Variants in HLA-F observed in about 807,000 individuals in gnomAD.
The protein encoded by HLA-F is HLA class I histocompatibility antigen, alpha chain F.
HLA-F carries 46 observed loss-of-function variants against 49.5 expected under a neutral mutation model. That is an observed-to-expected ratio of 0.93 (90% CI 0.73 to 1.19). The LOEUF is 1.19. HLA-F is among the 50% of genes most tolerant of loss of function. HLA-F has a pLI of 0.00. For synonymous variants in HLA-F, 203 were observed against 233.5 expected, an observed-to-expected ratio of 0.87 and a Z score of 1.19; for missense variants, 496 against 579.6, an observed-to-expected ratio of 0.86 and a Z score of 1.48.
intron 6 of HLA-F, chr6:29,726,556 T>C: frequency 7.0e-7 from 1 of 1,424,774 alleles, no homozygotes; most frequent in Non-Finnish European, 9.2e-7. Flanking sequence ...AGCATGCACG[T>C]AAATGTGTGT....
intron 5 of HLA-F, 108 bp downstream of exon 5, chr6:29,725,671 C>T (rs17875383): frequency 0.02 from 18,693 of 939,998 alleles, 399 homozygotes; most frequent in Middle Eastern, 0.074. Flanking sequence ...CATCCACACT[C>T]ATGGGTCTAC....
rs1776072815 is a variant in HLA-F at position 29,726,322 on chromosome 6, C to A, written c.1036+279C>A. On this transcript the variant is annotated intron_variant, in intron 6 of 6. Transcript: ENST00000259951. ...TATTGGGTTTCTTTGACTTGGATGT[C>A]TTGAGCATGAAATGGGCTATTTAGA... The A allele has an allele frequency of 2.8e-6, 4 of 1,454,430 alleles. No homozygotes were observed. In the East Asian group the frequency reaches 9.1e-5, roughly 33 times the overall value. 90.1% of individuals were successfully genotyped at this position (1,454,430 alleles called of 1,614,324 possible).
At chr6:29,726,792 A>G in intron 6 of HLA-F, 91 bp from the exon 7 acceptor site, 1 of 1,446,664 alleles carries the variant, frequency 6.9e-7, no homozygotes, top group Non-Finnish European at 9.6e-7. Context: ...CAATGTCACA[A>G]ACTTCTTCAC....
chr6:29,726,554 C>T (rs1378316864), intron 6 of HLA-F: 11 of 1,460,430 alleles, frequency 7.5e-6, no homozygotes, highest in South Asian at 2.6e-5. Flanking sequence ...ATAGCATGCA[C>T]GTAAATGTGT....
At chr6:29,733,360 A>T (rs373015217) in intron 3 of HLA-F, among the ~76,000 whole-genome samples, 3 of 151,710 alleles carry the variant, frequency 2.0e-5, no homozygotes, top group Non-Finnish European at 4.4e-5. Flanking sequence ...TGTGTATTTT[A>T]TTTTTTTTAA....
At chr6:29,724,096 T>G (rs2127584857) in intron 2 of HLA-F, 77 bp from the exon 3 acceptor site, 1 of 1,580,072 alleles carries the variant, frequency 6.3e-7, no homozygotes, top group Admixed American at 1.8e-5. Context: ...CATTTTCAGT[T>G]TAGGCCAAAA....
At chr6:29,726,273 G>A (rs1437275089) in intron 6 of HLA-F, 3 of 1,051,672 alleles carry the variant, frequency 2.9e-6, no homozygotes, top group African/African-American at 3.1e-5. Context: ...GTGTTGGGGG[G>A]GAACAGAGGG....
At position 29,723,586 on chromosome 6, in the gene HLA-F, G is replaced by T. The variant is rs561672947; in HGVS notation, c.64+59G>T. 4.4e-5 allele frequency: 71 copies of T among 1,597,504 alleles called. No individual in the cohort carries two copies. The South Asian group carries it at 7.1e-4, about 16-fold the overall frequency. On this transcript the variant is annotated intron_variant, in intron 1 of 6. Coordinates refer to ENST00000259951, the MANE Select transcript of HLA-F (RefSeq NM_001098479.2). ...TGGGGAGGAGTGAGGGGCCCGCCCG[G>T]TGGGGGCGCAGGACTCAGGGAGCCG...
downstream of HLA-F, among the ~76,000 whole-genome samples, chr6:29,731,189 T>C (rs1776547974): frequency 6.6e-6 from 1 of 151,764 alleles, no homozygotes; most frequent in Non-Finnish European, 1.5e-5. Flanking sequence ...TGTTGGTGTA[T>C]CAGGGTTACC....
At chr6:29,725,921 CT>C in intron 5 of HLA-F, 89 bp from the exon 6 acceptor site, 1 of 1,421,026 alleles carries the variant, frequency 7.0e-7, no homozygotes, top group Non-Finnish European at 9.9e-7. Context: ...TTTCTGGAAA[CT>C]TCTCTGGGAT....
intron 3 of HLA-F, among the ~76,000 whole-genome samples, chr6:29,737,235 A>AAAAAAAAAC (rs1777190413): frequency 6.6e-6 from 1 of 150,620 alleles, no homozygotes; most frequent in African/African-American, 2.4e-5. Context: ...AAAAAAAAAA[A>AAAAAAAAAC]AAAAAACCCT....
At chr6:29,729,600 T>C (rs116588041), downstream of HLA-F, among the ~76,000 whole-genome samples, 930 of 152,338 alleles carry the variant, frequency 6.1e-3, 13 homozygotes, top group Middle Eastern at 0.014. Context: ...AATGGCTTCT[T>C]GGCTGGTGAG....
At chr6:29,731,934 C>G (rs962961132), downstream of HLA-F, among the ~76,000 whole-genome samples, 1 of 152,080 alleles carries the variant, frequency 6.6e-6, no homozygotes, top group African/African-American at 2.4e-5. Flanking sequence ...AAAGCAGTCT[C>G]TGGTTTAATA....
At position 29,727,182 on chromosome 6, in the gene HLA-F, C is replaced by T. The variant is rs749667685; in HGVS notation, c.*7C>T. ...GATTAAGATTTTTGACTGAGTCATTCTAAAGTAAGTTGCAAGACCCATGAT... is the reference window on the plus strand; with the variant it reads ...GATTAAGATTTTTGACTGAGTCATTTTAAAGTAAGTTGCAAGACCCATGAT... On this transcript the variant is annotated 3_prime_UTR_variant, in exon 7 of 7. Coordinates refer to ENST00000259951, the MANE Select transcript of HLA-F (RefSeq NM_001098479.2). 29 of 1,564,138 alleles carry T rather than the reference C, an allele frequency of 1.9e-5. No individual in the cohort carries two copies. The highest frequency in any genetic ancestry group is 2.4e-5 in the Non-Finnish European group (28 of 1,159,804).
intron 6 of HLA-F, chr6:29,726,470 T>G (rs1562294215): frequency 6.3e-7 from 1 of 1,598,634 alleles, no homozygotes; most frequent in Non-Finnish European, 8.5e-7. Flanking sequence ...CACTTGTGCC[T>G]CACGAACATA....
At chr6:29,734,236 C>A (rs1776870729) in intron 3 of HLA-F, among the ~76,000 whole-genome samples, 1 of 152,148 alleles carries the variant, frequency 6.6e-6, no homozygotes, top group Non-Finnish European at 1.5e-5. Flanking sequence ...GTATGGTGTT[C>A]CTAGAGCTAT....
At chr6:29,737,259 C>G (rs1777198999) in intron 3 of HLA-F, among the ~76,000 whole-genome samples, 1 of 124,114 alleles carries the variant, frequency 8.1e-6, no homozygotes, top group Admixed American at 8.2e-5. Flanking sequence ...TAGACGCAAA[C>G]CTCTATAACA....
downstream of HLA-F, chr6:29,728,728 C>G (rs547349750): frequency 1.3e-5 from 2 of 152,188 alleles, no homozygotes; most frequent in Non-Finnish European, 2.9e-5. Context: ...TTAAACCCCT[C>G]AAATCTTAGA....
chr6:29,733,891 G>A (rs1562306930), intron 3 of HLA-F, among the ~76,000 whole-genome samples: 1 of 151,880 alleles, frequency 6.6e-6, no homozygotes, highest in East Asian at 1.9e-4. Flanking sequence ...ATATATTTAT[G>A]TAAAATTACC....
Sources: allele counts gnomAD v4.1 joint callset (sites outside exome capture counted in the v4.1 genomes callset), GRCh38; gene constraint gnomAD v4.1.1; transcripts MANE v1.5; gene names NCBI Gene and HGNC (gene_info 2026-07-23, HGNC 2026-07-21).